SNX29: variants seen among roughly 807,000 people sequenced by gnomAD.
The protein encoded by SNX29 is sorting nexin-29.
A neutral mutation model predicts 102.1 loss-of-function variants in SNX29; 78 were observed. The ratio of observed to expected loss-of-function variants is 0.76; its 90% CI spans 0.64 to 0.92. SNX29 has a LOEUF of 0.92. Ranked by LOEUF, SNX29 falls within the 40% of genes least tolerant of loss-of-function variation. The pLI is 0.00. For missense variants in SNX29, 1,280 were observed against 1,061.7 expected (o/e 1.21, Z -2.86); for synonymous variants, 580 against 414.5 (o/e 1.40, Z -4.85).
chr16:12,135,625 A>T lies in SNX29; in HGVS notation c.1595+5867A>T, dbSNP rs546455283. The T allele has an allele frequency of 3.7e-6, 5 of 1,343,442 alleles. No individual in the cohort carries two copies. In the African/African-American group the frequency reaches 5.8e-5, roughly 16 times the overall value. 83.2% of individuals were successfully genotyped at this position (1,343,442 alleles called of 1,614,324 possible). ...TGGTGGAGAAATGGAGGGAGAGAGA[A>T]ATCAACAGTTCCTGATAGTCTCATT... On this transcript the variant is annotated intron_variant, in intron 13 of 20. Transcript: ENST00000566228.
chr16:11,999,496 T>G, intron 2 of SNX29, 138 bp downstream of exon 2: 3 of 863,830 alleles, frequency 3.5e-6, no homozygotes, highest in Non-Finnish European at 3.5e-6. Flanking sequence ...TACTCATTTT[T>G]CCCAGGAAAT....
In SNX29 at chr16:12,141,584, GT is replaced by G. The variant is rs1377973349; in HGVS notation, c.1595+11830del. Among the ~76,000 whole-genome samples the G allele has an allele frequency of 2.0e-5, 3 of 152,356 alleles. No homozygotes were observed. The East Asian group carries it at 5.8e-4, about 29-fold the overall frequency. On this transcript the variant is annotated intron_variant, in intron 13 of 20. Transcript: ENST00000566228. The stretch of plus-strand genomic sequence containing the variant: ...TAAACAAAAGGCAGATTATTCATGA[GT>G]TTTCCAGGCTCGGGGCAGGATTTCC...
rs549509442 is a variant in SNX29, at chr16:12,116,175, G to A, written c.1403-10458G>A. ...TCCTTAAAACGTTAGTGGAATTACC[G>A]CATGTCCCTGTAATTCCACTTCTAG... On this transcript the variant is annotated intron_variant, in intron 11 of 20. Transcript: ENST00000566228. 2.8e-4 allele frequency among the ~76,000 whole-genome samples: 42 copies of A among 152,252 alleles called. No homozygotes were observed. In the South Asian group the frequency reaches 5.0e-3, roughly 18 times the overall value.
intron 14 of SNX29, among the ~76,000 whole-genome samples, chr16:12,274,889 C>G (rs2079197782): frequency 6.6e-6 from 1 of 152,118 alleles, no homozygotes; most frequent in South Asian, 2.1e-4. Flanking sequence ...TTCTTTTTCT[C>G]CTTTTTAAAT....
intron 15 of SNX29, among the ~76,000 whole-genome samples, chr16:12,284,183 G>A (rs973183449): frequency 1.3e-5 from 2 of 152,216 alleles, no homozygotes; most frequent in Non-Finnish European, 2.9e-5. Context: ...TCACTTTGTC[G>A]CTGCCTTCTG....
At chr16:12,015,051 A>G (rs2056801742) in intron 3 of SNX29, among the ~76,000 whole-genome samples, 1 of 151,988 alleles carries the variant, frequency 6.6e-6, no homozygotes, top group Non-Finnish European at 1.5e-5. Context: ...TATGTTAATG[A>G]CCAAGAATTA....
chr16:12,064,445 C>G (rs923581475), intron 9 of SNX29, among the ~76,000 whole-genome samples: 3 of 152,254 alleles, frequency 2.0e-5, no homozygotes, highest in Admixed American at 1.3e-4. Flanking sequence ...CATCTTCTCA[C>G]TGCTGATGGG....
intron 19 of SNX29, among the ~76,000 whole-genome samples, chr16:12,498,560 G>A (rs1316190893): frequency 6.6e-6 from 1 of 152,164 alleles, no homozygotes; most frequent in African/African-American, 2.4e-5. Context: ...CCTACTATGT[G>A]CCAGCCACTG....
rs574314967 is a variant in SNX29, at chr16:12,536,249, A to G, written c.2318+11408A>G. On this transcript the variant is annotated intron_variant, in intron 20 of 20. Transcript: ENST00000566228. The stretch of plus-strand genomic sequence containing the variant: ...TTTCATGTTTTTTTCTTTTTTATGC[A>G]TGAGAACTTGCTGTGACAGAGTTGA... Among the ~76,000 whole-genome samples, 4 of 152,186 alleles carry G rather than the reference A, an allele frequency of 2.6e-5. No individual in the cohort carries two copies. In the South Asian group the frequency reaches 6.2e-4, roughly 24 times the overall value.
chr16:12,082,492 C>T (rs895566073), intron 11 of SNX29, among the ~76,000 whole-genome samples: 3 of 152,196 alleles, frequency 2.0e-5, no homozygotes, highest in Middle Eastern at 3.2e-3. Context: ...TGATGACATA[C>T]ATGCCCTTAA....
rs966812170 is a variant in SNX29, at chr16:12,568,812, C to T, written c.*183C>T. ...AATCAGTCTTCGAGCCGCATGATACCGTGACCCGAGAGACCAAGGCAGCAC... is the reference window on the plus strand; with the variant it reads ...AATCAGTCTTCGAGCCGCATGATACTGTGACCCGAGAGACCAAGGCAGCAC... On this transcript the variant is annotated 3_prime_UTR_variant, in exon 21 of 21. Transcript: ENST00000566228. 2.7e-5 allele frequency: 26 copies of T among 979,338 alleles called. No individual in the cohort carries two copies. Among genetic ancestry groups the T allele is most frequent in the Admixed American group, 8.6e-5 (3 of 34,690 alleles). 60.7% of individuals were successfully genotyped at this position (979,338 alleles called of 1,614,324 possible). A position where few individuals can be genotyped will look rare whatever the true frequency, so the allele number is the denominator to read the frequency against.
rs1376445905 is a variant in SNX29, at chr16:12,080,856, G to C, written c.1402+1941G>C. 2.7e-5 allele frequency among the ~76,000 whole-genome samples: 4 copies of C among 150,636 alleles called. No homozygotes were observed. The East Asian group carries it at 7.9e-4, about 30-fold the overall frequency. ...ACAGGCCCACGCCCGGCTAATTTTTGTATTTTTAGTAGAGATGGGGTTTCG... is the reference window on the plus strand; with the variant it reads ...ACAGGCCCACGCCCGGCTAATTTTTCTATTTTTAGTAGAGATGGGGTTTCG... On this transcript the variant is annotated intron_variant, in intron 11 of 20. Transcript: ENST00000566228.
Position 12,129,628 on chromosome 16 carries a change from A to C in SNX29, c.1467-2A>C. The C allele has an allele frequency of 6.2e-7, 1 of 1,608,846 alleles. No homozygotes were observed. Among genetic ancestry groups the C allele is most frequent in the Non-Finnish European group, 8.5e-7 (1 of 1,178,070 alleles). ...TGAACAGATGGGTCCCTCTCTTCCC[A>C]GATCACTGCGAAACCTGCTCGACGG... On this transcript the variant is annotated splice_acceptor_variant, in intron 12 of 20. Coordinates refer to ENST00000566228, the MANE Select transcript of SNX29 (RefSeq NM_032167.5). LOFTEE classifies it high-confidence loss of function.
At chr16:12,527,442 C>A (rs1439262678) in intron 20 of SNX29, 1 of 432,346 alleles carries the variant, frequency 2.3e-6, no homozygotes, top group African/African-American at 2.0e-5. Context: ...AGATTTTCTC[C>A]TTGGTTCTTT....
intron 13 of SNX29, among the ~76,000 whole-genome samples, chr16:12,195,272 C>T (rs1270672721): frequency 6.6e-6 from 1 of 152,226 alleles, no homozygotes; most frequent in Non-Finnish European, 1.5e-5. Context: ...CCATAACTTT[C>T]CACCCACTCT....
At chr16:12,532,978 G>A (rs1230717772) in intron 20 of SNX29, among the ~76,000 whole-genome samples, 1 of 152,248 alleles carries the variant, frequency 6.6e-6, no homozygotes, top group Non-Finnish European at 1.5e-5. Flanking sequence ...GCGCAGCACG[G>A]CTGTGGTGGC....
At chr16:12,216,931 CTCTTTGTTTTCCA>C (rs1458085392) in intron 14 of SNX29, among the ~76,000 whole-genome samples, 1 of 152,206 alleles carries the variant, frequency 6.6e-6, no homozygotes, top group Non-Finnish European at 1.5e-5. Context: ...GAAACATAGT[CTCTTTGTTTTCCA>C]CCTAGGTGGC....
At chr16:12,542,885 C>T (rs2077406758) in intron 20 of SNX29, among the ~76,000 whole-genome samples, 1 of 151,994 alleles carries the variant, frequency 6.6e-6, no homozygotes, top group Non-Finnish European at 1.5e-5. Flanking sequence ...CTAGAGGTCC[C>T]AGAAACATGA....
chr16:12,070,240 A>G (rs1462047319), intron 10 of SNX29, among the ~76,000 whole-genome samples: 2 of 151,436 alleles, frequency 1.3e-5, no homozygotes, highest in Non-Finnish European at 2.9e-5. Context: ...GGTTAGTTAC[A>G]TATGTATACA....
Sources: gnomAD v4.1 joint callset for allele counts (sites outside exome capture counted in the v4.1 genomes callset) on GRCh38, gnomAD v4.1.1 for gene constraint, MANE v1.5 for transcripts, NCBI Gene and HGNC (gene_info 2026-07-23, HGNC 2026-07-21) for gene names.